Variants in RFX3 observed in about 807,000 individuals in gnomAD.
RFX3 encodes the protein transcription factor RFX3.
In RFX3, 14 loss-of-function variants were observed where a neutral mutation model predicts 98.6. The observed-to-expected ratio is 0.14, with a 90% confidence interval of 0.09 to 0.22. The LOEUF (loss-of-function observed/expected upper bound fraction) is 0.22. Ranked by LOEUF, RFX3 falls within the 10% of genes least tolerant of loss-of-function variation. RFX3 has a pLI of 1.00. For synonymous variants in RFX3, 383 were observed against 328.4 expected, an observed-to-expected ratio of 1.17 and a Z score of -1.80; for missense variants, 639 against 926.9, an observed-to-expected ratio of 0.69 and a Z score of 4.03.
At chr9:3,323,851 A>C (rs2130785741) in intron 4 of RFX3, 1 of 184,192 alleles carries the variant, frequency 5.4e-6, no homozygotes, top group South Asian at 1.3e-4. Context: ...AATGTCTTAC[A>C]GCCCTAATGG....
At chr9:3,460,806 T>C (rs540461226) in intron 1 of RFX3, among the ~76,000 whole-genome samples, 1 of 151,322 alleles carries the variant, frequency 6.6e-6, no homozygotes, top group Non-Finnish European at 1.5e-5. Context: ...TAAGTATACA[T>C]GCTTCTATTT....
At chr9:3,270,583 G>T in intron 10 of RFX3, 58 bp from the exon 11 acceptor site, 1 of 1,533,276 alleles carries the variant, frequency 6.5e-7, no homozygotes, top group Non-Finnish European at 8.9e-7. Context: ...AAAAGAAAAT[G>T]GACTTTAAAA....
At chr9:3,368,045 T>C (rs578092948) in intron 2 of RFX3, among the ~76,000 whole-genome samples, 4 of 152,348 alleles carry the variant, frequency 2.6e-5, no homozygotes, top group Admixed American at 2.0e-4. Context: ...TTCAATATTT[T>C]GGTAAAATAG....
chr9:3,414,735 TGTATATATGAGTATATATGA>T (rs1431357027), intron 1 of RFX3, among the ~76,000 whole-genome samples: 1 of 47,362 alleles, frequency 2.1e-5, no homozygotes, highest in Non-Finnish European at 7.1e-5. Context: ...TGAGTATATA[TGTATATATGAGTATATATGA>T]GTATATATGT....
At chr9:3,440,189 C>T (rs910508140) in intron 1 of RFX3, among the ~76,000 whole-genome samples, 6 of 152,082 alleles carry the variant, frequency 3.9e-5, no homozygotes, top group Middle Eastern at 3.4e-3. Context: ...TCTCTATGAT[C>T]GGGAACAAGA....
At chr9:3,335,085 C>A (rs1040268261) in intron 3 of RFX3, among the ~76,000 whole-genome samples, 1 of 151,892 alleles carries the variant, frequency 6.6e-6, no homozygotes, top group Non-Finnish European at 1.5e-5. Flanking sequence ...CACCACTGCA[C>A]TCCAGCCTGG....
At chr9:3,326,589 G>A (rs1831947292) in intron 4 of RFX3, among the ~76,000 whole-genome samples, 1 of 152,078 alleles carries the variant, frequency 6.6e-6, no homozygotes, top group Non-Finnish European at 1.5e-5. Flanking sequence ...TGCAGTATTT[G>A]GTTTTCTGTT....
intron 15 of RFX3, among the ~76,000 whole-genome samples, chr9:3,234,737 G>A (rs913067099): frequency 6.6e-6 from 1 of 152,204 alleles, no homozygotes. Context: ...GATAGGGCCT[G>A]TGGACCACTG....
At chr9:3,479,150 C>A (rs1455286309) in intron 1 of RFX3, among the ~76,000 whole-genome samples, 1 of 152,100 alleles carries the variant, frequency 6.6e-6, no homozygotes, top group Non-Finnish European at 1.5e-5. Context: ...TATCGCAGAC[C>A]CCACTGGTCT....
chr9:3,336,544 A>G (rs1833201502), intron 3 of RFX3, among the ~76,000 whole-genome samples: 1 of 152,184 alleles, frequency 6.6e-6, no homozygotes, highest in South Asian at 2.1e-4. Context: ...CCTATGGAAA[A>G]CAAGAAGAAT....
intron 1 of RFX3, among the ~76,000 whole-genome samples, chr9:3,486,252 C>T (rs1400273271): frequency 2.0e-5 from 3 of 151,822 alleles, no homozygotes; most frequent in African/African-American, 7.3e-5. Context: ...TACCCTACTC[C>T]AGAGCCCAGT....
At chr9:3,235,609 A>C (rs757101448) in intron 15 of RFX3, among the ~76,000 whole-genome samples, 6 of 152,106 alleles carry the variant, frequency 3.9e-5, no homozygotes, top group Non-Finnish European at 8.8e-5. Flanking sequence ...GTGTCTAGAA[A>C]AGAATTTTTT....
intron 1 of RFX3, among the ~76,000 whole-genome samples, chr9:3,460,927 C>T (rs1166600518): frequency 6.6e-6 from 1 of 151,824 alleles, no homozygotes; most frequent in African/African-American, 2.4e-5. Context: ...AATACTTCTC[C>T]TGTAGTCTTA....
At chr9:3,260,983 C>T (rs1055287623) in intron 13 of RFX3, among the ~76,000 whole-genome samples, 6 of 151,026 alleles carry the variant, frequency 4.0e-5, no homozygotes, top group Non-Finnish European at 7.4e-5. Flanking sequence ...TAATTTTTAT[C>T]GTACTCTAAA....
intron 1 of RFX3, among the ~76,000 whole-genome samples, chr9:3,404,023 T>C (rs1183327918): frequency 6.6e-6 from 1 of 152,128 alleles, no homozygotes; most frequent in East Asian, 1.9e-4. Flanking sequence ...ACTATTCTAA[T>C]GACAGACTCA....
rs138130998 is a variant in RFX3, at chr9:3,452,488, G to C, written c.-8-56892C>G. 1,519 of 157,654 alleles carry C rather than the reference G, an allele frequency of 9.6e-3. 22 individuals carry two copies. Among genetic ancestry groups the C allele is most frequent in the African/African-American group, 0.035 (1,458 of 41,710 alleles). The allele number at this position is 157,654 out of a possible 1,614,324, so 9.8% of individuals were successfully genotyped here. A position where few individuals can be genotyped will look rare whatever the true frequency, so the allele number is the denominator to read the frequency against. ...ATGCTTGCTAGTCCCAACTACTACGGAAGCTGAGGCAGGAAGATTGCTTGA... is the reference window on the plus strand; with the variant it reads ...ATGCTTGCTAGTCCCAACTACTACGCAAGCTGAGGCAGGAAGATTGCTTGA... On this transcript the variant is annotated intron_variant, in intron 1 of 16. Transcript: ENST00000617270.
chr9:3,288,339 A>G (rs1441049563), intron 6 of RFX3, 89 bp from the exon 7 acceptor site: 3 of 1,182,148 alleles, frequency 2.5e-6, no homozygotes, highest in Admixed American at 1.9e-5. Context: ...CACACTTGGA[A>G]AAATTTGGTA....
At chr9:3,349,974 C>T (rs1230906558) in intron 2 of RFX3, among the ~76,000 whole-genome samples, 3 of 151,520 alleles carry the variant, frequency 2.0e-5, no homozygotes, top group African/African-American at 4.9e-5. Flanking sequence ...TAAGCAAAAC[C>T]GAAGACAAAT....
intron 1 of RFX3, among the ~76,000 whole-genome samples, chr9:3,404,603 C>T (rs1488252542): frequency 1.3e-5 from 2 of 151,944 alleles, no homozygotes; most frequent in Non-Finnish European, 2.9e-5. Context: ...GTTGGTTATC[C>T]TAGGCTATCT....
Sources: allele counts gnomAD v4.1 joint callset (sites outside exome capture counted in the v4.1 genomes callset), GRCh38; gene constraint gnomAD v4.1.1; transcripts MANE v1.5; gene names NCBI Gene and HGNC (gene_info 2026-07-23, HGNC 2026-07-21).